MTUS1: variants seen among roughly 807,000 people sequenced by gnomAD.
MTUS1 encodes the protein microtubule associated scaffold protein 1, also known as microtubule-associated tumor suppressor 1.
A neutral mutation model predicts 120.8 loss-of-function variants in MTUS1; 109 were observed. The ratio of observed to expected loss-of-function variants is 0.90; its 90% confidence interval spans 0.77 to 1.06. The LOEUF is 1.06. Among genes scored for constraint, MTUS1 ranks in the 50% least tolerant of loss-of-function variants. MTUS1 has a pLI of 0.00. For synonymous variants in MTUS1, 737 were observed against 550.5 expected (o/e 1.34, Z -4.74); for missense variants, 2,210 against 1,486.3 (o/e 1.49, Z -8.01).
At chr8:17,741,586 A>G (rs1019632523) in intron 3 of MTUS1, among the ~76,000 whole-genome samples, 4 of 152,210 alleles carry the variant, frequency 2.6e-5, no homozygotes, top group Admixed American at 6.5e-5. Context: ...ACTTTTCTCT[A>G]AGACACATTA....
At chr8:17,791,589 AAC>A (rs1308437015) in intron 1 of MTUS1, among the ~76,000 whole-genome samples, 39 of 152,312 alleles carry the variant, frequency 2.6e-4, no homozygotes, top group African/African-American at 8.7e-4. Flanking sequence ...ATTTTTTGAA[AAC>A]ACAGTTCAAA....
chr8:17,649,113 G>C (rs891477683), intron 13 of MTUS1, among the ~76,000 whole-genome samples: 1 of 151,826 alleles, frequency 6.6e-6, no homozygotes, highest in African/African-American at 2.4e-5. Context: ...TTTTGAGATG[G>C]AGTCTTGCTA....
chr8:17,671,397 C>T (rs1222258449), intron 8 of MTUS1, among the ~76,000 whole-genome samples: 1 of 152,058 alleles, frequency 6.6e-6, no homozygotes, highest in Non-Finnish European at 1.5e-5. Flanking sequence ...CAATTATGGA[C>T]TTTATACCTG....
Position 17,754,613 on chromosome 8 carries a change from T to A in MTUS1, c.1195A>T (p.Ser399Cys), listed in dbSNP as rs1172414652. Residue 399 changes from serine to cysteine, a missense_variant, in exon 2 of 15, where the codon AGC becomes TGC. By Grantham distance (112) the Ser-to-Cys change is moderately radical. Transcript: ENST00000693296. ...QNHTSELILS[S>C]PPGQKVGSSF... ...GAGCCCACCTTTTGTCCTGGCGGGC[T>A]ACTTAGAATCAATTCTGAGGTATGA... The A allele has an allele frequency of 6.2e-7, 1 of 1,614,244 alleles. No individual in the cohort carries two copies. Among genetic ancestry groups the A allele is most frequent in the Admixed American group, 1.7e-5 (1 of 60,034 alleles).
intron 8 of MTUS1, among the ~76,000 whole-genome samples, chr8:17,668,998 A>C (rs1333416627): frequency 2.0e-5 from 3 of 152,248 alleles, no homozygotes; most frequent in African/African-American, 7.2e-5. Flanking sequence ...CACTGTTGGT[A>C]ATAAAATCAT....
chr8:17,730,076 A>C (rs1383622749), intron 3 of MTUS1, among the ~76,000 whole-genome samples: 5 of 152,162 alleles, frequency 3.3e-5, no homozygotes, highest in Admixed American at 3.3e-4. Flanking sequence ...GCTAGCGGGA[A>C]TGTAACATGG....
At chr8:17,740,960 G>T (rs546118115) in intron 3 of MTUS1, among the ~76,000 whole-genome samples, 1 of 152,264 alleles carries the variant, frequency 6.6e-6, no homozygotes, top group East Asian at 1.9e-4. Flanking sequence ...CCGCCTCCTG[G>T]GATCAAGGAA....
chr8:17,650,848 C>G (rs908393277), intron 12 of MTUS1, among the ~76,000 whole-genome samples: 14 of 152,310 alleles, frequency 9.2e-5, no homozygotes, highest in African/African-American at 3.4e-4. Context: ...AAAATTTATG[C>G]TACAGAAGAA....
At chr8:17,713,372 G>A (rs1486248896) in intron 5 of MTUS1, 120 bp from the exon 6 acceptor site, 2 of 660,140 alleles carry the variant, frequency 3.0e-6, no homozygotes, top group East Asian at 2.9e-5. Flanking sequence ...CAGGTTCCCG[G>A]TGGGAAATAT....
intron 1 of MTUS1, among the ~76,000 whole-genome samples, chr8:17,767,716 A>ACAAAC (rs2049663325): frequency 6.6e-6 from 1 of 151,356 alleles, no homozygotes; most frequent in Non-Finnish European, 1.5e-5. Flanking sequence ...AAAAAAAAAA[A>ACAAAC]AACGGTGTGA....
intron 6 of MTUS1, among the ~76,000 whole-genome samples, chr8:17,702,099 G>A (rs1162245228): frequency 6.6e-6 from 1 of 152,108 alleles, no homozygotes; most frequent in African/African-American, 2.4e-5. Flanking sequence ...CTGAAAAGCA[G>A]TCAATAAGTA....
intron 6 of MTUS1, among the ~76,000 whole-genome samples, chr8:17,703,691 T>C (rs1819576012): frequency 2.7e-5 from 4 of 150,392 alleles, no homozygotes; most frequent in African/African-American, 9.8e-5. Context: ...TGCAGTACCC[T>C]CAGGCTTACT....
chr8:17,760,841 C>T (rs1217717212), intron 1 of MTUS1, among the ~76,000 whole-genome samples: 1 of 150,848 alleles, frequency 6.6e-6, no homozygotes, highest in African/African-American at 2.4e-5. Context: ...AAACCATCCT[C>T]ACCCAAAGGG....
intron 7 of MTUS1, 122 bp downstream of exon 7, chr8:17,684,206 G>A: frequency 1.4e-6 from 1 of 711,568 alleles, no homozygotes; most frequent in Non-Finnish European, 2.5e-6. Context: ...GTAATGGGAT[G>A]AATGACACCT....
At chr8:17,713,323 G>T (rs1051608249) in intron 5 of MTUS1, 71 bp from the exon 6 acceptor site, 1 of 926,480 alleles carries the variant, frequency 1.1e-6, no homozygotes, top group Non-Finnish European at 1.7e-6. Context: ...AAACCATGTT[G>T]ATAAGAATTA....
intron 7 of MTUS1, among the ~76,000 whole-genome samples, chr8:17,683,315 T>C (rs1403999701): frequency 1.3e-5 from 2 of 151,952 alleles, no homozygotes; most frequent in Non-Finnish European, 2.9e-5. Flanking sequence ...AGTCTGGTAG[T>C]TTCTCCAAGG....
intron 4 of MTUS1, 125 bp from the exon 5 acceptor site, chr8:17,716,026 TG>T: frequency 1.2e-6 from 1 of 819,376 alleles, no homozygotes; most frequent in Admixed American, 2.7e-5. Flanking sequence ...CAGTCATTAC[TG>T]AACATTGGGA....
chr8:17,740,680 A>G (rs2047253198), intron 3 of MTUS1, among the ~76,000 whole-genome samples: 1 of 152,220 alleles, frequency 6.6e-6, no homozygotes, highest in African/African-American at 2.4e-5. Flanking sequence ...TCAGGCTGCC[A>G]TAATAGTAAT....
chr8:17,647,026 A>G lies in MTUS1; in HGVS notation c.3555T>C (p.Asn1185=). 6.2e-7 allele frequency: 1 copy of G among 1,613,930 alleles called. No individual in the cohort carries two copies. Among genetic ancestry groups the G allele is most frequent in the Non-Finnish European group, 8.5e-7 (1 of 1,179,976 alleles). ...TGTCCATCCGAGCTTTCAATTCTTCATTCTCCTGCTGGAAACGCTTCAATT... is the reference window on the plus strand; with the variant it reads ...TGTCCATCCGAGCTTTCAATTCTTCGTTCTCCTGCTGGAAACGCTTCAATT... The part of the protein sequence containing the change: ...VDKLKRFQQE[N]EELKARMDKH... Residue 1185 remains asparagine (N), a synonymous_variant, in exon 14 of 15, where the codon AAT becomes AAC. Transcript: ENST00000693296.
Sources: gnomAD v4.1 joint callset for allele counts (sites outside exome capture counted in the v4.1 genomes callset) on GRCh38, gnomAD v4.1.1 for gene constraint, MANE v1.5 for transcripts, NCBI Gene and HGNC (gene_info 2026-07-23, HGNC 2026-07-21) for gene names.